SPAG16: variants seen among roughly 807,000 people sequenced by gnomAD.
SPAG16 encodes the protein sperm-associated antigen 16 protein.
SPAG16 carries 86 observed loss-of-function variants against 80.4 expected under a neutral mutation model. The observed-to-expected ratio is 1.07, with a 90% confidence interval of 0.90 to 1.28. SPAG16 has a LOEUF of 1.28. SPAG16 is among the 50% of genes most tolerant of loss of function. The pLI is 0.00. For synonymous variants in SPAG16, 294 were observed against 265.9 expected (o/e 1.11, Z -1.03); for missense variants, 870 against 765.3 (o/e 1.14, Z -1.61).
intron 15 of SPAG16, among the ~76,000 whole-genome samples, chr2:214,300,565 G>T (rs1050507841): frequency 1.3e-5 from 2 of 152,034 alleles, no homozygotes; most frequent in Admixed American, 1.3e-4. Context: ...GCTAACAATT[G>T]TCTATAGATG....
chr2:214,109,535 G>A (rs572145694), intron 14 of SPAG16, among the ~76,000 whole-genome samples: 36 of 152,226 alleles, frequency 2.4e-4, no homozygotes, highest in Admixed American at 2.0e-3. Context: ...TCAAAATTCT[G>A]TTACCATCCT....
chr2:213,513,184 C>A (rs1289237089), intron 10 of SPAG16, among the ~76,000 whole-genome samples: 1 of 152,150 alleles, frequency 6.6e-6, no homozygotes, highest in African/African-American at 2.4e-5. Flanking sequence ...CCTTGACTTG[C>A]TGTTTTGTAA....
intron 10 of SPAG16, among the ~76,000 whole-genome samples, chr2:213,609,302 T>C (rs952679958): frequency 1.3e-5 from 2 of 151,896 alleles, no homozygotes; most frequent in African/African-American, 4.9e-5. Flanking sequence ...TCACTTACTT[T>C]TGGCTAAATT....
At chr2:213,679,939 G>T (rs1378217440) in intron 10 of SPAG16, among the ~76,000 whole-genome samples, 1 of 151,980 alleles carries the variant, frequency 6.6e-6, no homozygotes, top group African/African-American at 2.4e-5. Context: ...CTTGTTTTAG[G>T]ATTATGGGGA....
chr2:213,423,513 T>G (rs2069726373), intron 9 of SPAG16, among the ~76,000 whole-genome samples: 1 of 152,186 alleles, frequency 6.6e-6, no homozygotes. Flanking sequence ...ACATAGATTC[T>G]CTGTGCCTTA....
intron 12 of SPAG16, among the ~76,000 whole-genome samples, chr2:213,973,874 A>G (rs1575693960): frequency 6.6e-6 from 1 of 152,094 alleles, no homozygotes; most frequent in African/African-American, 2.4e-5. Flanking sequence ...TAAGACTTGC[A>G]TTACACAAAG....
chr2:214,262,099 A>C (rs192218430), intron 15 of SPAG16, among the ~76,000 whole-genome samples: 1 of 152,120 alleles, frequency 6.6e-6, no homozygotes, highest in Non-Finnish European at 1.5e-5. Flanking sequence ...TATTCATTAG[A>C]TAGCCTAATG....
intron 10 of SPAG16, among the ~76,000 whole-genome samples, chr2:213,800,910 C>A (rs1439854341): frequency 6.6e-6 from 1 of 152,080 alleles, no homozygotes; most frequent in Non-Finnish European, 1.5e-5. Flanking sequence ...AGATTTTAGT[C>A]AAATCAAAAA....
chr2:213,403,179 T>C (rs974750330), intron 9 of SPAG16, among the ~76,000 whole-genome samples: 1 of 152,200 alleles, frequency 6.6e-6, no homozygotes. Context: ...TGATGGCCAG[T>C]GATGATGAGC....
chr2:213,697,478 T>G (rs1380626222), intron 10 of SPAG16, among the ~76,000 whole-genome samples: 1 of 152,162 alleles, frequency 6.6e-6, no homozygotes, highest in Non-Finnish European at 1.5e-5. Context: ...AATGTTACCT[T>G]ATATGACAAA....
intron 11 of SPAG16, 71 bp from the exon 12 acceptor site, chr2:213,929,889 C>A: frequency 7.5e-7 from 1 of 1,342,060 alleles, no homozygotes. Flanking sequence ...ACAAATTACT[C>A]ATAGAATGCA....
At chr2:213,908,111 C>T (rs1163654999) in intron 11 of SPAG16, among the ~76,000 whole-genome samples, 1 of 152,138 alleles carries the variant, frequency 6.6e-6, no homozygotes. Context: ...TGCAGTATCA[C>T]TCTGTAGCAC....
intron 14 of SPAG16, among the ~76,000 whole-genome samples, chr2:214,145,483 T>C (rs1426122402): frequency 6.6e-6 from 1 of 152,156 alleles, no homozygotes; most frequent in African/African-American, 2.4e-5. Flanking sequence ...TGATACTTGA[T>C]ACCTATTGCT....
chr2:213,769,575 T>C (rs2069128877), intron 10 of SPAG16, among the ~76,000 whole-genome samples: 1 of 152,204 alleles, frequency 6.6e-6, no homozygotes, highest in African/African-American at 2.4e-5. Flanking sequence ...TTACCTGGCA[T>C]GCTTTTGAAC....
In SPAG16 at chr2:214,149,217, C is replaced by A; in HGVS notation, c.1671C>A (p.Ser557=). The change falls in exon 15 of 16, where the codon TCC becomes TCA. Residue 557 remains serine (S), a synonymous_variant. Coordinates refer to ENST00000331683, the MANE Select transcript of SPAG16 (RefSeq NM_024532.5). ...WDFRKLLPIV[S]IDIGPSPGNE... ...TTCGGAAGCTGTTACCAATTGTGTC[C>A]ATCGATATAGGTCCAAGTCCTGGCA... 1 of 1,597,398 alleles carries A rather than the reference C, an allele frequency of 6.3e-7. No homozygotes were observed. The highest frequency in any genetic ancestry group is 1.1e-5 in the South Asian group (1 of 89,650).
rs2073811430 is a variant in SPAG16, at chr2:213,833,461, TATATTATATATAATA to T, written c.1071-29019_1071-29005del. ...TGTGTGTATATATATATATTATATA[TATATTATATATAATA>T]ATATATATATTATATATAATATATA... is the stretch of plus-strand genomic sequence containing the variant. On this transcript the variant is annotated intron_variant, in intron 10 of 15. Coordinates refer to ENST00000331683, the MANE Select transcript of SPAG16 (RefSeq NM_024532.5). Among the ~76,000 whole-genome samples, 2 of 19,892 alleles carry T rather than the reference TATATTATATATAATA, an allele frequency of 1.0e-4. 1 individual carries two copies. Among genetic ancestry groups the T allele is most frequent in the Non-Finnish European group, 1.6e-4 (2 of 12,666 alleles). The allele number at this position is 19,892 out of a possible 152,430, so 13.0% of individuals were successfully genotyped here.
intron 8 of SPAG16, among the ~76,000 whole-genome samples, chr2:213,368,059 G>C (rs1472595836): frequency 6.6e-6 from 1 of 150,760 alleles, no homozygotes; most frequent in African/African-American, 2.4e-5. Context: ...TTTCCCCATT[G>C]CTTGTTTTTG....
intron 10 of SPAG16, among the ~76,000 whole-genome samples, chr2:213,637,091 T>A (rs2062390904): frequency 6.6e-6 from 1 of 152,230 alleles, no homozygotes; most frequent in Non-Finnish European, 1.5e-5. Flanking sequence ...GCTGTGGGTT[T>A]GTCATAGATG....
chr2:213,767,655 T>TCACACACACACACACACACA (rs3220937), intron 10 of SPAG16, among the ~76,000 whole-genome samples: 7 of 147,666 alleles, frequency 4.7e-5, no homozygotes, highest in African/African-American at 1.5e-4. Context: ...ACAACATACT[T>TCACACACACACACACACACA]CACACACACA....
Sources: allele counts gnomAD v4.1 joint callset (sites outside exome capture counted in the v4.1 genomes callset), GRCh38; gene constraint gnomAD v4.1.1; transcripts MANE v1.5; gene names NCBI Gene and HGNC (gene_info 2026-07-23, HGNC 2026-07-21).